Variants in ROBO2 observed in about 807,000 individuals in gnomAD.
ROBO2 encodes the protein roundabout guidance receptor 2.
ROBO2 carries 53 observed loss-of-function variants against 160.8 expected under a neutral mutation model. The observed-to-expected ratio is 0.33, with a 90% CI of 0.26 to 0.41. The LOEUF is 0.41. Ranked by LOEUF, ROBO2 falls within the 10% of genes least tolerant of loss-of-function variation. The pLI, the probability that ROBO2 is intolerant of heterozygous loss-of-function variation, is 1.00. For synonymous variants in ROBO2, 664 were observed against 611.7 expected, an observed-to-expected ratio of 1.09 and a Z score of -1.26; for missense variants, 1,577 against 1,722.4, an observed-to-expected ratio of 0.92 and a Z score of 1.49.
intron 2 of ROBO2, among the ~76,000 whole-genome samples, chr3:76,960,198 A>G (rs983155213): frequency 9.9e-5 from 15 of 152,060 alleles, no homozygotes; most frequent in African/African-American, 3.6e-4. Context: ...CAAAATCCCA[A>G]ATAAGATTTG....
rs189145287 is a variant in ROBO2 at position 76,568,358 on chromosome 3, T to C, written c.110-529656T>C. Among the ~76,000 whole-genome samples the C allele has an allele frequency of 9.1e-4, 138 of 152,124 alleles. 1 individual carries two copies. The highest frequency in any genetic ancestry group is 7.1e-3 in the Admixed American group (108 of 15,270). On this transcript the variant is annotated intron_variant, in intron 2 of 26. Coordinates refer to the ROBO2 transcript ENST00000487694. Reference sequence around the variant, plus strand: ...TGTCACCCAGGCTGGAGTGCAGTGGTGCGATCTCGGCTCACTGCAAGCTCC... The same window carrying C: ...TGTCACCCAGGCTGGAGTGCAGTGGCGCGATCTCGGCTCACTGCAAGCTCC...
At chr3:77,414,694 C>T (rs1339852308) in intron 2 of ROBO2, among the ~76,000 whole-genome samples, 1 of 152,054 alleles carries the variant, frequency 6.6e-6, no homozygotes, top group Non-Finnish European at 1.5e-5. Context: ...GGTAGATAAG[C>T]CCAGATATTT....
At chr3:76,878,536 A>G (rs2073012973) in intron 2 of ROBO2, among the ~76,000 whole-genome samples, 1 of 152,238 alleles carries the variant, frequency 6.6e-6, no homozygotes, top group Non-Finnish European at 1.5e-5. Flanking sequence ...ATTCAAAAAC[A>G]TCCAGAACAT....
intron 2 of ROBO2, among the ~76,000 whole-genome samples, chr3:77,162,497 C>T (rs61631057): frequency 0.057 from 8,619 of 152,154 alleles, 348 homozygotes; most frequent in African/African-American, 0.11. Context: ...CAACTGTTTC[C>T]GTACGTAAGA....
chr3:76,471,770 G>A (rs1448597289), intron 2 of ROBO2, among the ~76,000 whole-genome samples: 1 of 152,062 alleles, frequency 6.6e-6, no homozygotes, highest in African/African-American at 2.4e-5. Flanking sequence ...AGTTCTGCAG[G>A]CTGGGAAGGC....
At chr3:76,608,152 C>A (rs1354891514) in intron 2 of ROBO2, among the ~76,000 whole-genome samples, 1 of 152,202 alleles carries the variant, frequency 6.6e-6, no homozygotes, top group Non-Finnish European at 1.5e-5. Flanking sequence ...TTTCTGTGGA[C>A]TTCCTCAACC....
chr3:77,582,362 G>T lies in ROBO2; in HGVS notation c.2500+2244G>T, dbSNP rs73114567. Among the ~76,000 whole-genome samples the T allele has an allele frequency of 6.1e-4, 93 of 152,142 alleles. No homozygotes were observed. In the South Asian group the frequency reaches 0.015, roughly 24 times the overall value. ...GTGATCCTCACACCTTGGCCTCCCA[G>T]GCATGAGCCACCTCTCCTAGCCAGT... On this transcript the variant is annotated intron_variant, in intron 16 of 25. Coordinates refer to ENST00000461745, the Ensembl canonical transcript of ROBO2.
rs374429506 is a variant in ROBO2, at chr3:76,216,119, G to T, written c.109+278517G>T. ...ACAGACAAGCAAATGCTGAGAGATTGTGTCACCACCAGGCCTGCCCTAAAA... is the reference window on the plus strand; with the variant it reads ...ACAGACAAGCAAATGCTGAGAGATTTTGTCACCACCAGGCCTGCCCTAAAA... On this transcript the variant is annotated intron_variant, in intron 2 of 26. Transcript: ENST00000487694. 5.5e-4 allele frequency among the ~76,000 whole-genome samples: 84 copies of T among 152,238 alleles called. No individual in the cohort carries two copies. In the East Asian group the frequency reaches 8.5e-3, roughly 15 times the overall value.
At chr3:76,333,649 C>T (rs1490008426) in intron 2 of ROBO2, among the ~76,000 whole-genome samples, 1 of 152,068 alleles carries the variant, frequency 6.6e-6, no homozygotes, top group Non-Finnish European at 1.5e-5. Flanking sequence ...AAGTTTCTCC[C>T]TCAAAAAGGA....
At chr3:77,639,329 AAGAT>A (rs1269348164) in intron 24 of ROBO2, among the ~76,000 whole-genome samples, 1 of 152,190 alleles carries the variant, frequency 6.6e-6, no homozygotes, top group African/African-American at 2.4e-5. Flanking sequence ...TTAGTTGGGG[AAGAT>A]AGATAAAGAC....
intron 1 of ROBO2, among the ~76,000 whole-genome samples, chr3:75,916,881 A>G (rs1946834058): frequency 6.6e-6 from 1 of 152,022 alleles, no homozygotes; most frequent in African/African-American, 2.4e-5. Flanking sequence ...ATGCATGTAC[A>G]TATATATGTT....
chr3:76,970,905 A>C (rs1230641599), intron 2 of ROBO2, among the ~76,000 whole-genome samples: 6 of 152,166 alleles, frequency 3.9e-5, no homozygotes, highest in Non-Finnish European at 7.4e-5. Context: ...TTCATGGCAA[A>C]CTTATGAAAT....
At chr3:76,540,647 A>C (rs932460679) in intron 2 of ROBO2, among the ~76,000 whole-genome samples, 1 of 152,210 alleles carries the variant, frequency 6.6e-6, no homozygotes, top group East Asian at 1.9e-4. Flanking sequence ...AAGGTAGTCC[A>C]TGCAGTGAAC....
intron 2 of ROBO2, among the ~76,000 whole-genome samples, chr3:76,063,449 A>G (rs80276270): frequency 0.02 from 3,078 of 151,258 alleles, 43 homozygotes; most frequent in East Asian, 0.079. Context: ...GGCTCAAGCA[A>G]TCCTCCCACC....
chr3:77,118,167 T>A (rs148733827), intron 2 of ROBO2, among the ~76,000 whole-genome samples: 2,507 of 152,278 alleles, frequency 0.016, 51 homozygotes, highest in African/African-American at 0.057. Flanking sequence ...TCTTCTATAG[T>A]TCTGTGGAAA....
intron 2 of ROBO2, among the ~76,000 whole-genome samples, chr3:76,090,209 C>A (rs2069173549): frequency 6.6e-6 from 1 of 151,956 alleles, no homozygotes; most frequent in Non-Finnish European, 1.5e-5. Context: ...GCTTGTAATC[C>A]CAACACTTTG....
intron 2 of ROBO2, among the ~76,000 whole-genome samples, chr3:76,779,470 A>C (rs2062490382): frequency 6.6e-6 from 1 of 150,918 alleles, no homozygotes; most frequent in African/African-American, 2.4e-5. Context: ...ATCTCCCATA[A>C]CTGAAACTTT....
At chr3:76,565,408 A>T (rs1056049952) in intron 2 of ROBO2, among the ~76,000 whole-genome samples, 2 of 152,240 alleles carry the variant, frequency 1.3e-5, no homozygotes, top group Non-Finnish European at 2.9e-5. Flanking sequence ...GAACAGTTTC[A>T]TAAACATTTA....
intron 5 of ROBO2, among the ~76,000 whole-genome samples, chr3:77,512,443 G>A (rs1199548915): frequency 6.6e-6 from 1 of 151,938 alleles, no homozygotes; most frequent in Non-Finnish European, 1.5e-5. Context: ...AAATTTGTGA[G>A]TTACTAAAAT....
Sources: gnomAD v4.1 joint callset for allele counts (sites outside exome capture counted in the v4.1 genomes callset) on GRCh38, gnomAD v4.1.1 for gene constraint, MANE v1.5 for transcripts, NCBI Gene and HGNC (gene_info 2026-07-23, HGNC 2026-07-21) for gene names.